Variants in EHBP1 observed in about 807,000 individuals in gnomAD.
EHBP1 encodes the protein EH domain-binding protein 1.
EHBP1 carries 55 observed loss-of-function variants against 144.0 expected under a neutral mutation model. The ratio of observed to expected loss-of-function variants is 0.38; its 90% confidence interval spans 0.31 to 0.48. EHBP1 has a LOEUF of 0.48. Among genes scored for constraint, EHBP1 ranks in the 20% least tolerant of loss-of-function variants. The pLI is 0.98. For synonymous variants in EHBP1, 469 were observed against 472.7 expected (o/e 0.99, Z 0.10); for missense variants, 1,200 against 1,364.2 (o/e 0.88, Z 1.90).
Position 62,942,604 on chromosome 2 carries a change from T to C in EHBP1, c.1186-114T>C, listed in dbSNP as rs148924388. ...TACAGTTGTCGTGAATTGACAGTTG[T>C]GAAGGATCTAAACTGACATCAAAGG... On this transcript the variant is annotated intron_variant, in intron 10 of 22. Coordinates refer to ENST00000431489, the MANE Select transcript of EHBP1 (RefSeq NM_001142616.3). 453 of 840,796 alleles carry C rather than the reference T, an allele frequency of 5.4e-4. No homozygotes were observed. In the African/African-American group the frequency reaches 6.8e-3, roughly 13 times the overall value. 52.1% of individuals were successfully genotyped at this position (840,796 alleles called of 1,614,324 possible).
intron 15 of EHBP1, among the ~76,000 whole-genome samples, chr2:62,987,034 G>A (rs1654469301): frequency 6.6e-6 from 1 of 152,048 alleles, no homozygotes; most frequent in South Asian, 2.1e-4. Context: ...AAATCCCAGG[G>A]CTACAGAGCT....
intron 1 of EHBP1, among the ~76,000 whole-genome samples, chr2:62,676,345 C>A (rs2033294331): frequency 6.6e-6 from 1 of 152,212 alleles, no homozygotes. Flanking sequence ...AAAAGTTACT[C>A]ATTTAAGTTT....
chr2:63,007,143 T>G (rs760130739), intron 19 of EHBP1, among the ~76,000 whole-genome samples: 25 of 151,842 alleles, frequency 1.6e-4, no homozygotes, highest in Non-Finnish European at 2.4e-4. Context: ...TGCTAGAGCT[T>G]TAAGACACAA....
At chr2:62,723,921 A>G (rs978674829) in intron 2 of EHBP1, among the ~76,000 whole-genome samples, 6 of 152,060 alleles carry the variant, frequency 3.9e-5, no homozygotes, top group Non-Finnish European at 8.8e-5. Flanking sequence ...TTTCATTTCA[A>G]CCTTGGGGAA....
At chr2:63,016,183 T>A (rs1370386156) in intron 19 of EHBP1, among the ~76,000 whole-genome samples, 1 of 152,190 alleles carries the variant, frequency 6.6e-6, no homozygotes, top group Non-Finnish European at 1.5e-5. Context: ...AAGCCACATC[T>A]GTTGATAGAC....
chr2:63,044,887 A>G (rs1005828055), intron 21 of EHBP1, 179 bp from the exon 22 acceptor site: 1 of 562,698 alleles, frequency 1.8e-6, no homozygotes, highest in Non-Finnish European at 3.2e-6. Flanking sequence ...TAGGAAGTAG[A>G]CTTTTAGCGA....
intron 7 of EHBP1, among the ~76,000 whole-genome samples, chr2:62,848,686 A>G (rs1010601390): frequency 1.3e-5 from 2 of 152,216 alleles, no homozygotes; most frequent in African/African-American, 4.8e-5. Context: ...AAGATACACT[A>G]TATGATTTCA....
rs201516643 is a variant in EHBP1 at position 63,037,658 on chromosome 2, T to C, written c.3203+24T>C. On this transcript the variant is annotated intron_variant, in intron 20 of 22. Transcript: ENST00000431489. ...CTGTAAGTACTCATCATTATGCTTGTTTTGCCTACAACATTGATAAATCTT... is the reference window on the plus strand; with the variant it reads ...CTGTAAGTACTCATCATTATGCTTGCTTTGCCTACAACATTGATAAATCTT... The C allele has an allele frequency of 3.0e-5, 41 of 1,387,568 alleles. No individual in the cohort carries two copies. The African/African-American group carries it at 6.0e-4, about 20-fold the overall frequency. 86.0% of individuals were successfully genotyped at this position (1,387,568 alleles called of 1,614,324 possible). A position where few individuals can be genotyped will look rare whatever the true frequency, so the allele number is the denominator to read the frequency against.
chr2:62,820,710 GGTGTGT>G lies in EHBP1; in HGVS notation c.313-5358_313-5353del, dbSNP rs374529607. Among the ~76,000 whole-genome samples the G allele has an allele frequency of 9.7e-3, 856 of 88,682 alleles. 19 individuals carry two copies. Among genetic ancestry groups the G allele is most frequent in the African/African-American group, 0.035 (814 of 22,998 alleles). The allele number at this position is 88,682 out of a possible 152,430, so 58.2% of individuals were successfully genotyped here. ...TTTAAGGCTGAATAGTATTCCATTG[GGTGTGT>G]GTGTGTGTGTGTGTGTGTATAATAT... On this transcript the variant is annotated intron_variant, in intron 5 of 22. Coordinates refer to ENST00000431489, the MANE Select transcript of EHBP1 (RefSeq NM_001142616.3).
chr2:62,858,184 A>G (rs531873286), intron 7 of EHBP1, among the ~76,000 whole-genome samples: 2 of 152,352 alleles, frequency 1.3e-5, no homozygotes, highest in East Asian at 3.9e-4. Context: ...TGTTACTAGT[A>G]TACATTTTAA....
intron 3 of EHBP1, among the ~76,000 whole-genome samples, chr2:62,757,330 C>T (rs1012513502): frequency 4.0e-5 from 6 of 151,172 alleles, no homozygotes; most frequent in African/African-American, 9.7e-5. Flanking sequence ...TACCATGTTG[C>T]GCAGCTAGCA....
chr2:62,826,542 C>G (rs1282566829), intron 6 of EHBP1: 7 of 237,262 alleles, frequency 3.0e-5, no homozygotes, highest in Non-Finnish European at 5.6e-5. Flanking sequence ...ATTTCAGTGT[C>G]TTCAGTGTAG....
In EHBP1 at chr2:62,771,321, A is replaced by T; in HGVS notation, c.259-18A>T. On this transcript the variant is annotated intron_variant, in intron 4 of 22. Coordinates refer to ENST00000431489, the MANE Select transcript of EHBP1 (RefSeq NM_001142616.3). ...GACATGTATTTCAATTCCATTTCAT[A>T]TTTTGCTTTTGTTACAGGATCCTCA... The T allele has an allele frequency of 6.3e-7, 1 of 1,582,516 alleles. No homozygotes were observed. Among genetic ancestry groups the T allele is most frequent in the Non-Finnish European group, 8.6e-7 (1 of 1,161,116 alleles).
intron 10 of EHBP1, among the ~76,000 whole-genome samples, chr2:62,898,809 A>G (rs1157309625): frequency 6.6e-6 from 1 of 152,192 alleles, no homozygotes; most frequent in Non-Finnish European, 1.5e-5. Flanking sequence ...AGAGGAGACC[A>G]AGACAGTCAT....
intron 5 of EHBP1, among the ~76,000 whole-genome samples, chr2:62,811,306 A>G (rs919779578): frequency 6.6e-6 from 1 of 152,170 alleles, no homozygotes; most frequent in Non-Finnish European, 1.5e-5. Flanking sequence ...TGCTCCATGG[A>G]CTCCAAATTA....
intron 2 of EHBP1, among the ~76,000 whole-genome samples, chr2:62,708,793 T>G (rs1315457949): frequency 6.6e-6 from 1 of 152,070 alleles, no homozygotes; most frequent in Non-Finnish European, 1.5e-5. Flanking sequence ...TAAAAGACAT[T>G]CTAGACTGAA....
At chr2:62,867,469 AT>A (rs2050130962) in intron 9 of EHBP1, among the ~76,000 whole-genome samples, 1 of 152,170 alleles carries the variant, frequency 6.6e-6, no homozygotes. Context: ...ATTGAAAAAA[AT>A]ACCATTTATA....
At chr2:62,932,175 TAAA>T (rs764069665) in intron 10 of EHBP1, among the ~76,000 whole-genome samples, 9 of 125,724 alleles carry the variant, frequency 7.2e-5, no homozygotes, top group Non-Finnish European at 5.1e-5. Flanking sequence ...AGACGGCATC[TAAA>T]AAAAAAAAAA....
intron 3 of EHBP1, among the ~76,000 whole-genome samples, chr2:62,748,974 A>G (rs899312726): frequency 6.6e-6 from 1 of 152,018 alleles, no homozygotes; most frequent in Non-Finnish European, 1.5e-5. Context: ...GACTGTTTTA[A>G]TCACTTTTTT....
Sources: allele counts gnomAD v4.1 joint callset (sites outside exome capture counted in the v4.1 genomes callset), GRCh38; gene constraint gnomAD v4.1.1; transcripts MANE v1.5; gene names NCBI Gene and HGNC (gene_info 2026-07-23, HGNC 2026-07-21).